PRKG1: variants seen among roughly 807,000 people sequenced by gnomAD.
PRKG1 encodes cGMP-dependent protein kinase 1.
A neutral mutation model predicts 88.1 loss-of-function variants in PRKG1; 35 were observed. That is an observed-to-expected ratio of 0.40 (90% CI 0.30 to 0.53). The LOEUF (loss-of-function observed/expected upper bound fraction) is 0.53. Among genes scored for constraint, PRKG1 ranks in the 20% least tolerant of loss-of-function variants. The pLI, the probability that PRKG1 is intolerant of heterozygous loss-of-function variation, is 0.59. For synonymous variants in PRKG1, 303 were observed against 292.5 expected (o/e 1.04, Z -0.37); for missense variants, 540 against 839.8 (o/e 0.64, Z 4.41).
rs144171708 is a variant in PRKG1, at chr10:51,543,584, C to T, written c.592+75748C>T. 2.0e-4 allele frequency among the ~76,000 whole-genome samples: 31 copies of T among 152,272 alleles called. No individual in the cohort carries two copies. The East Asian group carries it at 5.8e-3, about 28-fold the overall frequency. ...AAAAGTTTTGCAGATGGCAGCAAAG[C>T]TAAAAGCAGCAGCCACCAGTTGTGC... On this transcript the variant is annotated intron_variant, in intron 3 of 17. Transcript: ENST00000373980.
chr10:51,983,739 G>C (rs770189062), intron 5 of PRKG1, among the ~76,000 whole-genome samples: 6 of 152,192 alleles, frequency 3.9e-5, no homozygotes, highest in Non-Finnish European at 5.9e-5. Context: ...CTCCCTGCCA[G>C]CTGAGTGTCT....
chr10:52,075,236 C>G (rs11000704), intron 7 of PRKG1, among the ~76,000 whole-genome samples: 34,538 of 152,006 alleles, frequency 0.23, 4,331 homozygotes, highest in South Asian at 0.3. Context: ...TGTAAGATCT[C>G]TTCACTGAAA....
At chr10:52,245,689 A>C (rs1218750501) in intron 9 of PRKG1, among the ~76,000 whole-genome samples, 2 of 151,244 alleles carry the variant, frequency 1.3e-5, no homozygotes, top group Non-Finnish European at 2.9e-5. Context: ...TGAAGAGCAG[A>C]TGAGTCCAGG....
intron 2 of PRKG1, among the ~76,000 whole-genome samples, chr10:51,328,698 C>A (rs980385764): frequency 7.9e-5 from 12 of 152,112 alleles, no homozygotes; most frequent in Non-Finnish European, 1.5e-4. Flanking sequence ...TTGATCATAG[C>A]CATTCTAACA....
At chr10:51,179,462 G>T (rs935663126) in intron 2 of PRKG1, among the ~76,000 whole-genome samples, 1 of 152,170 alleles carries the variant, frequency 6.6e-6, no homozygotes, top group African/African-American at 2.4e-5. Context: ...GTTTAAAGTG[G>T]TCATCTAACT....
rs192323974 is a variant in PRKG1 at position 51,250,337 on chromosome 10, A to C, written c.478+97007A>C. The stretch of plus-strand genomic sequence containing the variant: ...ATTTATGACATTTGAAAGAACTAAG[A>C]GTGAATGATTGCTTGAAACCTGAAT... On this transcript the variant is annotated intron_variant, in intron 2 of 17. Transcript: ENST00000373980. Among the ~76,000 whole-genome samples, 43 of 151,988 alleles carry C rather than the reference A, an allele frequency of 2.8e-4. No individual in the cohort carries two copies. In the East Asian group the frequency reaches 6.4e-3, roughly 23 times the overall value.
chr10:52,080,746 A>C (rs1846751651), intron 7 of PRKG1, among the ~76,000 whole-genome samples: 2 of 152,086 alleles, frequency 1.3e-5, no homozygotes, highest in South Asian at 4.1e-4. Context: ...TATTCTGTTA[A>C]AGTTTTTAAA....
At chr10:51,960,809 G>A (rs1472223331) in intron 5 of PRKG1, among the ~76,000 whole-genome samples, 6 of 152,126 alleles carry the variant, frequency 3.9e-5, no homozygotes, top group East Asian at 1.9e-4. Context: ...CATGATATCC[G>A]ACTTCCCCAG....
intron 2 of PRKG1, among the ~76,000 whole-genome samples, chr10:51,167,719 G>A (rs1172014412): frequency 6.6e-6 from 1 of 152,116 alleles, no homozygotes; most frequent in Non-Finnish European, 1.5e-5. Flanking sequence ...GTGAGAGAAA[G>A]ATAAATTAGG....
At chr10:51,355,402 A>C (rs961608788) in intron 2 of PRKG1, among the ~76,000 whole-genome samples, 20 of 152,214 alleles carry the variant, frequency 1.3e-4, no homozygotes, top group African/African-American at 4.6e-4. Flanking sequence ...TGACTTGTTC[A>C]AGACTATTCT....
At chr10:51,273,610 A>G (rs1840038988) in intron 2 of PRKG1, among the ~76,000 whole-genome samples, 1 of 152,236 alleles carries the variant, frequency 6.6e-6, no homozygotes, top group Non-Finnish European at 1.5e-5. Context: ...CTCAGTGGCC[A>G]GCTCAGTCAA....
chr10:51,175,765 C>A (rs9414862), intron 2 of PRKG1, among the ~76,000 whole-genome samples: 3 of 152,036 alleles, frequency 2.0e-5, no homozygotes, highest in African/African-American at 7.2e-5. Context: ...TGAAAATTAT[C>A]GGGGCTCACC....
chr10:51,485,184 T>C (rs1840493574), intron 3 of PRKG1, among the ~76,000 whole-genome samples: 1 of 152,182 alleles, frequency 6.6e-6, no homozygotes, highest in South Asian at 2.1e-4. Context: ...TACCTTTTAT[T>C]TTTATTTTTT....
chr10:51,127,037 A>C (rs558813024), intron 1 of PRKG1, among the ~76,000 whole-genome samples: 1 of 152,328 alleles, frequency 6.6e-6, no homozygotes, highest in African/African-American at 2.4e-5. Flanking sequence ...AATACCGTTC[A>C]AGATGTAGGC....
At chr10:51,833,541 G>A (rs1840054825) in intron 4 of PRKG1, among the ~76,000 whole-genome samples, 1 of 152,078 alleles carries the variant, frequency 6.6e-6, no homozygotes, top group South Asian at 2.1e-4. Context: ...ATGGAAACGT[G>A]AATCTTTATT....
At position 52,268,475 on chromosome 10, in the gene PRKG1, G is replaced by C. The variant is rs141010757; in HGVS notation, c.1174-2875G>C. On this transcript the variant is annotated intron_variant, in intron 10 of 17. Coordinates refer to ENST00000373980, the MANE Select transcript of PRKG1 (RefSeq NM_006258.4). Reference sequence around the variant, plus strand: ...CATGGAGGTCCCTGGGAAGTGCCTAGGAAAATGTCAGTGAGGCTTTGGCTG... The same window carrying C: ...CATGGAGGTCCCTGGGAAGTGCCTACGAAAATGTCAGTGAGGCTTTGGCTG... 1.4e-3 allele frequency among the ~76,000 whole-genome samples: 209 copies of C among 152,044 alleles called. 4 individuals carry two copies. Among genetic ancestry groups the C allele is most frequent in the East Asian group, 9.7e-4 (5 of 5,144 alleles).
At chr10:52,072,588 C>T (rs1168643547) in intron 7 of PRKG1, among the ~76,000 whole-genome samples, 3 of 152,104 alleles carry the variant, frequency 2.0e-5, no homozygotes, top group Non-Finnish European at 2.9e-5. Context: ...ATTTTCTTTC[C>T]AACTCCAATC....
At chr10:51,342,045 A>C (rs1374798491) in intron 2 of PRKG1, among the ~76,000 whole-genome samples, 1 of 152,218 alleles carries the variant, frequency 6.6e-6, no homozygotes, top group Non-Finnish European at 1.5e-5. Flanking sequence ...GGACACAGCC[A>C]AACCATATCA....
intron 4 of PRKG1, among the ~76,000 whole-genome samples, chr10:51,813,984 AC>A (rs1244683086): frequency 6.6e-6 from 1 of 152,160 alleles, no homozygotes; most frequent in African/African-American, 2.4e-5. Context: ...TTGTTTGGAA[AC>A]CCACCACCTG....
Sources: gnomAD v4.1 joint callset for allele counts (sites outside exome capture counted in the v4.1 genomes callset) on GRCh38, gnomAD v4.1.1 for gene constraint, MANE v1.5 for transcripts, NCBI Gene and HGNC (gene_info 2026-07-23, HGNC 2026-07-21) for gene names.